CAMTA1: variants seen among roughly 807,000 people sequenced by gnomAD.
CAMTA1 encodes the protein calmodulin-binding transcription activator 1.
A neutral mutation model predicts 170.9 loss-of-function variants in CAMTA1; 27 were observed. That is an observed-to-expected ratio of 0.16 (90% CI 0.12 to 0.22). The LOEUF (loss-of-function observed/expected upper bound fraction) is 0.22. CAMTA1 is among the 10% of genes least tolerant of loss of function. CAMTA1 has a pLI of 1.00. For missense variants in CAMTA1, 1,619 were observed against 2,217.2 expected, an observed-to-expected ratio of 0.73 and a Z score of 5.42; for synonymous variants, 833 against 891.5, an observed-to-expected ratio of 0.93 and a Z score of 1.17.
chr1:7,222,440 C>A (rs1660959781), intron 4 of CAMTA1, among the ~76,000 whole-genome samples: 1 of 152,156 alleles, frequency 6.6e-6, no homozygotes, highest in African/African-American at 2.4e-5. Context: ...CTTCCTCTTG[C>A]CTGACTGTTG....
chr1:7,502,650 C>A (rs567960673), intron 6 of CAMTA1, among the ~76,000 whole-genome samples: 1 of 152,264 alleles, frequency 6.6e-6, no homozygotes, highest in East Asian at 1.9e-4. Flanking sequence ...GGCCTTTGAC[C>A]CCAAGGAGAA....
intron 1 of CAMTA1, among the ~76,000 whole-genome samples, chr1:6,819,109 A>G (rs1168538709): frequency 5.9e-5 from 9 of 152,144 alleles, no homozygotes; most frequent in Admixed American, 5.9e-4. Flanking sequence ...ACAAGCCACC[A>G]TGCCTGGTAG....
intron 4 of CAMTA1, among the ~76,000 whole-genome samples, chr1:7,174,263 T>A (rs1650288840): frequency 6.6e-6 from 1 of 152,144 alleles, no homozygotes; most frequent in Admixed American, 6.5e-5. Context: ...CCGCTATACA[T>A]AGTCACTATC....
chr1:7,480,143 C>T (rs982587854), intron 6 of CAMTA1, among the ~76,000 whole-genome samples: 1 of 115,138 alleles, frequency 8.7e-6, no homozygotes, highest in African/African-American at 3.6e-5. Context: ...GTGTGAGCGC[C>T]TGTGTCCGTG....
intron 7 of CAMTA1, among the ~76,000 whole-genome samples, chr1:7,654,311 C>T (rs911731753): frequency 2.0e-5 from 3 of 151,892 alleles, no homozygotes; most frequent in Non-Finnish European, 2.9e-5. Context: ...ACCCAAGGGT[C>T]GGAGGTTGCA....
intron 6 of CAMTA1, among the ~76,000 whole-genome samples, chr1:7,485,547 T>C (rs1266035089): frequency 6.6e-6 from 1 of 152,196 alleles, no homozygotes. Context: ...TGCTTGGGGT[T>C]TGGGGCTGAC....
At chr1:7,077,618 C>A (rs2147989584) in intron 3 of CAMTA1, among the ~76,000 whole-genome samples, 1 of 151,996 alleles carries the variant, frequency 6.6e-6, no homozygotes, top group South Asian at 2.1e-4. Context: ...ATGGTTTCTG[C>A]TTGTATCTTG....
intron 5 of CAMTA1, among the ~76,000 whole-genome samples, chr1:7,294,624 C>G (rs1290303659): frequency 1.3e-5 from 2 of 152,236 alleles, no homozygotes; most frequent in African/African-American, 4.8e-5. Context: ...AGAGGGAATG[C>G]TGTCAGTGAC....
chr1:7,597,412 C>T (rs2095408353), intron 6 of CAMTA1, among the ~76,000 whole-genome samples: 1 of 152,150 alleles, frequency 6.6e-6, no homozygotes, highest in South Asian at 2.1e-4. Context: ...TGATTGTTGA[C>T]TCTGGCCCCG....
At chr1:6,949,486 C>T (rs1377448686) in intron 3 of CAMTA1, among the ~76,000 whole-genome samples, 1 of 152,202 alleles carries the variant, frequency 6.6e-6, no homozygotes, top group Non-Finnish European at 1.5e-5. Flanking sequence ...ACTCCAAGAG[C>T]CAATATTTTC....
Position 7,665,003 on chromosome 1 carries a change from T to C in CAMTA1, c.2456T>C (p.Met819Thr), listed in dbSNP as rs1161241326. ...CGGGCCCCCTTCACCCAGGCAGAGA[T>C]GTGCCTCCCCTGCTGTAGCCCCCAG... ...GARAPFTQAE[M>T]CLPCCSPQQG... The change falls in exon 9 of 23, where the codon ATG becomes ACG. Residue 819 changes from methionine to threonine, a missense_variant. Transcript: ENST00000303635. The surrounding 1 kb of genome is among the most constrained non-coding windows in gnomAD (Gnocchi z 4.3). The C allele has an allele frequency of 6.2e-7, 1 of 1,603,440 alleles. No individual in the cohort carries two copies. Among genetic ancestry groups the C allele is most frequent in the African/African-American group, 1.3e-5 (1 of 74,850 alleles).
chr1:6,876,188 C>T (rs1025927628), intron 3 of CAMTA1, among the ~76,000 whole-genome samples: 3 of 149,404 alleles, frequency 2.0e-5, no homozygotes, highest in Non-Finnish European at 4.5e-5. Flanking sequence ...ATGGGTTTAT[C>T]GTTCCCTTCT....
chr1:6,828,910 T>C (rs1648468631), intron 3 of CAMTA1, among the ~76,000 whole-genome samples: 1 of 148,044 alleles, frequency 6.8e-6, no homozygotes, highest in East Asian at 2.0e-4. Flanking sequence ...TTTTTTTTTT[T>C]TTTGGAGACA....
chr1:6,915,408 T>A (rs948580442), intron 3 of CAMTA1, among the ~76,000 whole-genome samples: 4 of 152,228 alleles, frequency 2.6e-5, no homozygotes, highest in Non-Finnish European at 5.9e-5. Context: ...CTGTCCTGTC[T>A]TCTTGGTGAC....
intron 20 of CAMTA1, 92 bp downstream of exon 20, chr1:7,751,484 T>C (rs772206099): frequency 8.6e-6 from 10 of 1,158,518 alleles, no homozygotes; most frequent in Non-Finnish European, 1.2e-5. Context: ...CATTGGAGTC[T>C]GGGGTGGGCC....
At chr1:7,391,911 A>G (rs1042356372) in intron 5 of CAMTA1, among the ~76,000 whole-genome samples, 2 of 152,156 alleles carry the variant, frequency 1.3e-5, no homozygotes, top group Non-Finnish European at 2.9e-5. Context: ...CCATTCACCT[A>G]TTGAAGGATG....
chr1:7,135,575 C>A (rs1222021517), intron 4 of CAMTA1, among the ~76,000 whole-genome samples: 1 of 152,080 alleles, frequency 6.6e-6, no homozygotes, highest in Non-Finnish European at 1.5e-5. Context: ...TTCCTCCCAC[C>A]TCTTTTTCAC....
At chr1:6,821,520 C>A (rs1646481449) in intron 2 of CAMTA1, among the ~76,000 whole-genome samples, 1 of 152,046 alleles carries the variant, frequency 6.6e-6, no homozygotes, top group African/African-American at 2.4e-5. Flanking sequence ...CAAAGATATT[C>A]CCAATAAGAT....
At chr1:7,073,581 A>T (rs767217543) in intron 3 of CAMTA1, among the ~76,000 whole-genome samples, 3 of 152,202 alleles carry the variant, frequency 2.0e-5, no homozygotes, top group Non-Finnish European at 4.4e-5. Flanking sequence ...AGAAAGCAGA[A>T]GGTCAAGAGA....
Sources: allele counts gnomAD v4.1 joint callset (sites outside exome capture counted in the v4.1 genomes callset), GRCh38; gene constraint gnomAD v4.1.1; non-coding constraint Gnocchi (gnomAD v3.1); transcripts MANE v1.5; gene names NCBI Gene and HGNC (gene_info 2026-07-23, HGNC 2026-07-21).